The following SCMH1 variants were observed in gnomAD, a reference collection of about 807,000 sequenced individuals.
SCMH1 encodes the protein polycomb protein SCMH1.
In SCMH1, 37 loss-of-function variants were observed where a neutral mutation model predicts 70.8. The observed-to-expected ratio is 0.52, with a 90% CI of 0.40 to 0.69. SCMH1 has a LOEUF of 0.69. SCMH1 is among the 30% of genes least tolerant of loss of function. SCMH1 has a pLI of 0.00. For synonymous variants in SCMH1, 292 were observed against 307.4 expected, an observed-to-expected ratio of 0.95 and a Z score of 0.52; for missense variants, 607 against 827.3, an observed-to-expected ratio of 0.73 and a Z score of 3.27.
chr1:41,137,641 A>C (rs1643569136), intron 6 of SCMH1, among the ~76,000 whole-genome samples: 1 of 152,192 alleles, frequency 6.6e-6, no homozygotes, highest in Admixed American at 6.5e-5. Flanking sequence ...TACTGTAGAG[A>C]GATATCTCTC....
At chr1:41,147,188 T>A (rs947240965) in intron 5 of SCMH1, among the ~76,000 whole-genome samples, 1 of 152,240 alleles carries the variant, frequency 6.6e-6, no homozygotes, top group African/African-American at 2.4e-5. Context: ...CATGTACTTA[T>A]TTGCCCTGTA....
intron 2 of SCMH1, among the ~76,000 whole-genome samples, chr1:41,179,634 G>A (rs1290087316): frequency 2.6e-5 from 4 of 152,052 alleles, no homozygotes; most frequent in Non-Finnish European, 5.9e-5. Flanking sequence ...TAAATTCCTC[G>A]ACACATACAC....
At chr1:41,125,580 T>C (rs1213357647) in intron 6 of SCMH1, among the ~76,000 whole-genome samples, 1 of 150,658 alleles carries the variant, frequency 6.6e-6, no homozygotes, top group Non-Finnish European at 1.5e-5. Flanking sequence ...CAACTTTAAT[T>C]TTTTTTTTTT....
chr1:41,084,057 C>T (rs9439036), intron 8 of SCMH1, among the ~76,000 whole-genome samples: 129,308 of 152,096 alleles, frequency 0.85, 55,479 homozygotes, highest in East Asian at 0.97. Flanking sequence ...ATTCAGGACA[C>T]AGGCATGGGC....
chr1:41,105,019 A>T (rs1380845722), intron 8 of SCMH1, among the ~76,000 whole-genome samples: 1 of 152,044 alleles, frequency 6.6e-6, no homozygotes, highest in Non-Finnish European at 1.5e-5. Context: ...GCAGTGGCAC[A>T]ATCTCGGCTC....
intron 8 of SCMH1, among the ~76,000 whole-genome samples, chr1:41,105,350 G>A (rs1053253469): frequency 6.6e-6 from 1 of 152,054 alleles, no homozygotes; most frequent in African/African-American, 2.4e-5. Context: ...TCTGAATAAC[G>A]GCTTTAGATG....
At position 41,113,304 on chromosome 1, in the gene SCMH1, G is replaced by C. The variant is rs773769756; in HGVS notation, c.724C>G (p.Leu242Val). The C allele has an allele frequency of 7.4e-6, 12 of 1,613,628 alleles. No homozygotes were observed. The highest frequency in any genetic ancestry group is 1.3e-5 in the African/African-American group (1 of 74,826). The change falls in exon 8 of 15, where the codon CTG (leucine) becomes GTG (valine). Residue 242 changes from leucine (L) to valine (V), a missense_variant. This residue lies in a region of SCMH1 where 430 missense variants were observed against 528.2 expected (regional missense o/e 0.81). Coordinates refer to ENST00000337495, the Ensembl canonical transcript of SCMH1. The surrounding 1 kb of genome is among the most constrained non-coding windows in gnomAD (Gnocchi z 4.3). ...TTACCTTTGGTGCCAGGAGGCTGCA[G>C]GTTGTCTCCAGTCAAGGAACACCAG...
chr1:41,033,749 C>A (rs951141409), intron 13 of SCMH1, among the ~76,000 whole-genome samples: 32 of 152,190 alleles, frequency 2.1e-4, no homozygotes, highest in Non-Finnish European at 3.4e-4. Context: ...ACAAATAATT[C>A]TAGGGCCAGC....
chr1:41,063,427 C>T (rs1325158979), intron 10 of SCMH1, among the ~76,000 whole-genome samples: 1 of 151,896 alleles, frequency 6.6e-6, no homozygotes, highest in Non-Finnish European at 1.5e-5. Context: ...GAGCTGAGAT[C>T]GCACCACTGC....
At chr1:41,044,718 G>A (rs1238371696) in intron 12 of SCMH1, among the ~76,000 whole-genome samples, 1 of 152,070 alleles carries the variant, frequency 6.6e-6, no homozygotes, top group East Asian at 1.9e-4. Flanking sequence ...CTTGGTCTTT[G>A]TTTCTCTTAG....
intron 1 of SCMH1, among the ~76,000 whole-genome samples, chr1:41,236,641 G>C (rs1214380186): frequency 6.6e-6 from 1 of 152,128 alleles, no homozygotes; most frequent in Non-Finnish European, 1.5e-5. Context: ...CTGCCCTTTG[G>C]ATACCAAATT....
chr1:41,158,007 G>A (rs213736), intron 4 of SCMH1, among the ~76,000 whole-genome samples: 85,316 of 151,968 alleles, frequency 0.56, 26,031 homozygotes, highest in African/African-American at 0.82. Context: ...ATTCTTTCTT[G>A]GACTAATAAA....
At chr1:41,230,604 G>C (rs2148898891) in intron 1 of SCMH1, among the ~76,000 whole-genome samples, 1 of 151,714 alleles carries the variant, frequency 6.6e-6, no homozygotes, top group African/African-American at 2.4e-5. Flanking sequence ...GCAGCAGTGA[G>C]CTATGATCGC....
intron 12 of SCMH1, 41 bp downstream of exon 12, chr1:41,046,366 C>CT: frequency 6.3e-7 from 1 of 1,582,262 alleles, no homozygotes; most frequent in Non-Finnish European, 8.7e-7. Context: ...GCTGCTAGCC[C>CT]TGTCCCCCAC....
At chr1:41,210,813 CTT>C (rs879610758) in intron 1 of SCMH1, among the ~76,000 whole-genome samples, 5 of 143,222 alleles carry the variant, frequency 3.5e-5, no homozygotes, top group Non-Finnish European at 7.7e-5. Context: ...GACTTCATGA[CTT>C]TTTTTTTTTT....
At chr1:41,236,364 C>G (rs1431744172) in intron 1 of SCMH1, among the ~76,000 whole-genome samples, 1 of 152,188 alleles carries the variant, frequency 6.6e-6, no homozygotes, top group African/African-American at 2.4e-5. Flanking sequence ...TTCTCCATGA[C>G]TCAGGAGATA....
chr1:41,029,076 C>T (rs1216481544), intron 13 of SCMH1, among the ~76,000 whole-genome samples: 1 of 152,164 alleles, frequency 6.6e-6, no homozygotes, highest in Middle Eastern at 3.4e-3. Flanking sequence ...TCTGGGGGAC[C>T]ATTTCTAGAG....
intron 10 of SCMH1, among the ~76,000 whole-genome samples, chr1:41,067,646 G>A (rs1373522162): frequency 6.6e-6 from 1 of 152,166 alleles, no homozygotes; most frequent in Admixed American, 6.5e-5. Flanking sequence ...CCAGGGATTA[G>A]TGGGGAGGGA....
chr1:41,146,186 C>A (rs1644541186), intron 5 of SCMH1, among the ~76,000 whole-genome samples: 1 of 148,526 alleles, frequency 6.7e-6, no homozygotes, highest in Non-Finnish European at 1.5e-5. Flanking sequence ...AGGGTAATGT[C>A]TTAAGTTTTT....
Sources: allele counts gnomAD v4.1 joint callset (sites outside exome capture counted in the v4.1 genomes callset), GRCh38; gene constraint gnomAD v4.1.1; regional missense constraint gnomAD v4.1.1; non-coding constraint Gnocchi (gnomAD v3.1); transcripts MANE v1.5; gene names NCBI Gene and HGNC (gene_info 2026-07-23, HGNC 2026-07-21).